The following OXR1 variants were observed in gnomAD, a reference collection of about 807,000 sequenced individuals.
OXR1 encodes the protein oxidation resistance 1, also known as oxidation resistance protein 1.
In OXR1, 41 loss-of-function variants were observed where a neutral mutation model predicts 104.6. That is an observed-to-expected ratio of 0.39 (90% CI 0.31 to 0.51). The LOEUF is 0.51. Among genes scored for constraint, OXR1 ranks in the 20% least tolerant of loss-of-function variants. The pLI is 0.77. For missense variants in OXR1, 955 were observed against 1,031.9 expected, an observed-to-expected ratio of 0.93 and a Z score of 1.02; for synonymous variants, 348 against 348.4, an observed-to-expected ratio of 1.00 and a Z score of 0.01.
At chr8:106,313,061 A>C (rs532345157) in intron 1 of OXR1, among the ~76,000 whole-genome samples, 1 of 152,198 alleles carries the variant, frequency 6.6e-6, no homozygotes, top group Non-Finnish European at 1.5e-5. Flanking sequence ...GTGAAATTTT[A>C]GGAGGATAGA....
chr8:106,418,042 G>C (rs1450022524), intron 2 of OXR1, among the ~76,000 whole-genome samples: 1 of 151,972 alleles, frequency 6.6e-6, no homozygotes, highest in South Asian at 2.1e-4. Flanking sequence ...AGTATCAAGT[G>C]GTCAGCTATA....
intron 1 of OXR1, among the ~76,000 whole-genome samples, chr8:106,316,578 T>C (rs1813947485): frequency 6.6e-6 from 1 of 152,200 alleles, no homozygotes; most frequent in South Asian, 2.1e-4. Context: ...TGTTTCCTCA[T>C]TTTATTTCGG....
chr8:106,676,093 A>G (rs1021907528), intron 3 of OXR1, among the ~76,000 whole-genome samples: 4 of 152,140 alleles, frequency 2.6e-5, no homozygotes, highest in African/African-American at 9.7e-5. Flanking sequence ...GTTTAAAACT[A>G]GATTTAAATC....
chr8:106,341,390 C>CATATATATATAT (rs138432601), intron 1 of OXR1, among the ~76,000 whole-genome samples: 11,441 of 145,654 alleles, frequency 0.079, 529 homozygotes, highest in Admixed American at 0.099. Context: ...AGTCAATCTA[C>CATATATATATAT]ATATATATAT....
intron 2 of OXR1, among the ~76,000 whole-genome samples, chr8:106,497,352 A>T (rs1039749392): frequency 3.3e-5 from 5 of 152,206 alleles, no homozygotes; most frequent in Non-Finnish European, 7.4e-5. Context: ...GTTGGTAGTT[A>T]GTCACTTTTT....
At chr8:106,607,588 T>C (rs1820496217) in intron 3 of OXR1, among the ~76,000 whole-genome samples, 1 of 152,186 alleles carries the variant, frequency 6.6e-6, no homozygotes, top group Non-Finnish European at 1.5e-5. Flanking sequence ...GGTCCCTCCT[T>C]CTCATCTCTT....
At chr8:106,308,897 T>A (rs1194281240) in intron 1 of OXR1, among the ~76,000 whole-genome samples, 2 of 152,370 alleles carry the variant, frequency 1.3e-5, no homozygotes, top group South Asian at 4.1e-4. Context: ...AGTTCTCAGC[T>A]TGACACAATA....
intron 3 of OXR1, among the ~76,000 whole-genome samples, chr8:106,542,450 A>G (rs1348438787): frequency 6.6e-6 from 1 of 152,150 alleles, no homozygotes; most frequent in Non-Finnish European, 1.5e-5. Flanking sequence ...TGAAATTCTT[A>G]TTAAGAACTT....
intron 1 of OXR1, among the ~76,000 whole-genome samples, chr8:106,332,248 G>T (rs1814748309): frequency 6.6e-6 from 1 of 152,138 alleles, no homozygotes. Flanking sequence ...ATAAGAAGCT[G>T]TGTTTTAATA....
intron 2 of OXR1, among the ~76,000 whole-genome samples, chr8:106,498,683 G>GTGTA (rs1811573677): frequency 6.6e-6 from 1 of 152,124 alleles, no homozygotes; most frequent in South Asian, 2.1e-4. Context: ...GTAAGTGCAT[G>GTGTA]TGTGTGCATG....
intron 3 of OXR1, among the ~76,000 whole-genome samples, chr8:106,654,917 A>G (rs2131038858): frequency 6.6e-6 from 1 of 152,340 alleles, no homozygotes; most frequent in East Asian, 1.9e-4. Context: ...ATATCCATCA[A>G]TGGATGAACG....
chr8:106,271,794 C>G (rs1368597221), intron 1 of OXR1: 1 of 152,270 alleles, frequency 6.6e-6, no homozygotes, highest in Non-Finnish European at 1.5e-5. Context: ...TTCTCTGATT[C>G]GGCACTCTAA....
At chr8:106,728,902 G>A (rs559330476) in intron 11 of OXR1, among the ~76,000 whole-genome samples, 3 of 152,112 alleles carry the variant, frequency 2.0e-5, no homozygotes, top group South Asian at 2.1e-4. Context: ...AGTTTAGGCC[G>A]TCATATATGA....
At chr8:106,574,877 G>T (rs1371210901) in intron 3 of OXR1, among the ~76,000 whole-genome samples, 1 of 152,150 alleles carries the variant, frequency 6.6e-6, no homozygotes, top group Non-Finnish European at 1.5e-5. Flanking sequence ...TAAAAAGTTT[G>T]GGAAATACTA....
At chr8:106,625,786 C>A (rs1822099047) in intron 3 of OXR1, among the ~76,000 whole-genome samples, 1 of 152,106 alleles carries the variant, frequency 6.6e-6, no homozygotes. Flanking sequence ...GAAATGACCT[C>A]ACATGTGATA....
intron 1 of OXR1, among the ~76,000 whole-genome samples, chr8:106,285,399 A>T (rs1216391059): frequency 6.6e-6 from 1 of 152,100 alleles, no homozygotes; most frequent in Non-Finnish European, 1.5e-5. Context: ...AGTGGGGATT[A>T]ATTACTTGCC....
chr8:106,528,757 A>G (rs1330111344), intron 3 of OXR1, among the ~76,000 whole-genome samples: 1 of 152,240 alleles, frequency 6.6e-6, no homozygotes, highest in Non-Finnish European at 1.5e-5. Flanking sequence ...CACATTCTGC[A>G]GTGTGAAACT....
chr8:106,636,315 A>ATTTTTT (rs11348392), intron 3 of OXR1, among the ~76,000 whole-genome samples: 1 of 148,700 alleles, frequency 6.7e-6, no homozygotes. Context: ...AAAGCACATC[A>ATTTTTT]TTTTTTTTTT....
At chr8:106,305,725 T>C (rs915055029) in intron 1 of OXR1, among the ~76,000 whole-genome samples, 2 of 152,132 alleles carry the variant, frequency 1.3e-5, no homozygotes, top group East Asian at 3.9e-4. Flanking sequence ...CAATATCTCT[T>C]CCTAGCAGTG....
Sources: allele counts gnomAD v4.1 joint callset (sites outside exome capture counted in the v4.1 genomes callset), GRCh38; gene constraint gnomAD v4.1.1; transcripts MANE v1.5; gene names NCBI Gene and HGNC (gene_info 2026-07-23, HGNC 2026-07-21).